ZFHX3: variants seen among roughly 807,000 people sequenced by gnomAD.
The protein encoded by ZFHX3 is zinc finger homeobox 3.
A neutral mutation model predicts 279.1 loss-of-function variants in ZFHX3; 42 were observed. The ratio of observed to expected loss-of-function variants is 0.15; its 90% CI spans 0.12 to 0.19. The LOEUF is 0.19. Ranked by LOEUF, ZFHX3 falls within the 10% of genes least tolerant of loss-of-function variation. The pLI is 1.00. For synonymous variants in ZFHX3, 2,293 were observed against 1,957.8 expected (o/e 1.17, Z -4.52); for missense variants, 4,981 against 4,754.0 (o/e 1.05, Z -1.40).
intron 4 of ZFHX3, among the ~76,000 whole-genome samples, chr16:72,846,165 G>C (rs2037474849): frequency 6.6e-6 from 1 of 152,234 alleles, no homozygotes; most frequent in African/African-American, 2.4e-5. Context: ...CTCAGTAAGT[G>C]AGCATATTCT....
At chr16:72,854,567 C>T (rs1350417805) in intron 4 of ZFHX3, among the ~76,000 whole-genome samples, 1 of 152,050 alleles carries the variant, frequency 6.6e-6, no homozygotes, top group African/African-American at 2.4e-5. Flanking sequence ...AGAAGATGGT[C>T]CTGGACAAAT....
intron 3 of ZFHX3, among the ~76,000 whole-genome samples, chr16:73,341,562 C>T (rs2016034963): frequency 6.6e-6 from 1 of 152,174 alleles, no homozygotes; most frequent in Admixed American, 6.5e-5. Flanking sequence ...AGAAATTCTA[C>T]TCCTAGATGT....
At chr16:72,914,654 A>G (rs2039396682) in intron 3 of ZFHX3, among the ~76,000 whole-genome samples, 1 of 151,992 alleles carries the variant, frequency 6.6e-6, no homozygotes, top group South Asian at 2.1e-4. Flanking sequence ...AGAAAGGAAC[A>G]AGGAATGTTT....
At chr16:72,913,576 C>T (rs918189616) in intron 3 of ZFHX3, among the ~76,000 whole-genome samples, 1 of 152,178 alleles carries the variant, frequency 6.6e-6, no homozygotes, top group African/African-American at 2.4e-5. Flanking sequence ...ACCTTGATCA[C>T]TTTGTTAAGG....
At chr16:73,249,493 A>C (rs1384329758) in intron 5 of ZFHX3, among the ~76,000 whole-genome samples, 1 of 152,206 alleles carries the variant, frequency 6.6e-6, no homozygotes, top group African/African-American at 2.4e-5. Context: ...AGCCAAGTGA[A>C]AGGGGAAACC....
At chr16:73,275,600 A>G (rs1207691598) in intron 4 of ZFHX3, among the ~76,000 whole-genome samples, 1 of 152,252 alleles carries the variant, frequency 6.6e-6, no homozygotes, top group Non-Finnish European at 1.5e-5. Flanking sequence ...GTAGCACAAT[A>G]AAGTGAGTCA....
At chr16:73,790,529 C>G (rs1959793161) in intron 1 of ZFHX3, among the ~76,000 whole-genome samples, 1 of 152,204 alleles carries the variant, frequency 6.6e-6, no homozygotes, top group Non-Finnish European at 1.5e-5. Context: ...TTTCTCCTCT[C>G]TTTCCACCTC....
intron 2 of ZFHX3, among the ~76,000 whole-genome samples, chr16:73,508,753 T>C (rs1461079497): frequency 1.3e-5 from 2 of 152,190 alleles, no homozygotes. Context: ...CAGACACGAA[T>C]GAATACTGTG....
At chr16:73,463,743 A>G (rs1016492742) in intron 2 of ZFHX3, among the ~76,000 whole-genome samples, 10 of 152,164 alleles carry the variant, frequency 6.6e-5, no homozygotes, top group African/African-American at 2.4e-4. Flanking sequence ...CAGCGTAAGA[A>G]CAAGGGCAAG....
At chr16:73,070,124 C>A (rs954967103) in intron 8 of ZFHX3, among the ~76,000 whole-genome samples, 1 of 152,082 alleles carries the variant, frequency 6.6e-6, no homozygotes, top group Non-Finnish European at 1.5e-5. Flanking sequence ...GTCATTGTAC[C>A]TTTTTTCAAC....
chr16:73,166,656 G>C (rs1967379796), intron 5 of ZFHX3, among the ~76,000 whole-genome samples: 1 of 152,140 alleles, frequency 6.6e-6, no homozygotes, highest in East Asian at 1.9e-4. Context: ...CTCTGATTTG[G>C]GGGAAACTCA....
At chr16:73,418,022 A>G (rs12162089) in intron 3 of ZFHX3, among the ~76,000 whole-genome samples, 4,577 of 150,960 alleles carry the variant, frequency 0.03, 180 homozygotes, top group South Asian at 0.11. Context: ...AGGAAAAAGA[A>G]AAGGCTGTGG....
intron 4 of ZFHX3, among the ~76,000 whole-genome samples, chr16:72,846,572 C>A (rs78805038): frequency 0.078 from 11,812 of 152,312 alleles, 1,488 homozygotes; most frequent in African/African-American, 0.26. Flanking sequence ...AGACCCACCA[C>A]TCCCTCTGCT....
At chr16:72,875,981 G>A (rs1025359691) in intron 4 of ZFHX3, among the ~76,000 whole-genome samples, 2 of 152,108 alleles carry the variant, frequency 1.3e-5, no homozygotes, top group East Asian at 3.8e-4. Context: ...GTTGAAATGA[G>A]CTTATTTTTC....
chr16:73,261,628 A>G (rs1401175440), intron 4 of ZFHX3, among the ~76,000 whole-genome samples: 1 of 148,986 alleles, frequency 6.7e-6, no homozygotes, highest in Non-Finnish European at 1.5e-5. Flanking sequence ...CTCCAATTTG[A>G]TCACTATTCC....
intron 6 of ZFHX3, among the ~76,000 whole-genome samples, chr16:73,139,093 C>T (rs1966839492): frequency 6.6e-6 from 1 of 152,176 alleles, no homozygotes; most frequent in African/African-American, 2.4e-5. Flanking sequence ...AGAAATTTAT[C>T]CTAATGAGAC....
intron 3 of ZFHX3, among the ~76,000 whole-genome samples, chr16:73,407,440 G>A (rs1375900639): frequency 6.6e-6 from 1 of 152,196 alleles, no homozygotes; most frequent in African/African-American, 2.4e-5. Context: ...AATGCTCTGA[G>A]ACCCACACAG....
At chr16:73,215,328 A>C (rs537353983) in intron 5 of ZFHX3, among the ~76,000 whole-genome samples, 1 of 152,300 alleles carries the variant, frequency 6.6e-6, no homozygotes, top group African/African-American at 2.4e-5. Context: ...CAATGGCTTC[A>C]TCCTTTCTCC....
chr16:73,813,051 T>C (rs760379494), intron 1 of ZFHX3, among the ~76,000 whole-genome samples: 2 of 152,222 alleles, frequency 1.3e-5, no homozygotes, highest in African/African-American at 2.4e-5. Context: ...GAATCTACTT[T>C]AAATAGAGCT....
Sources: gnomAD v4.1 joint callset for allele counts (sites outside exome capture counted in the v4.1 genomes callset) on GRCh38, gnomAD v4.1.1 for gene constraint, MANE v1.5 for transcripts, NCBI Gene and HGNC (gene_info 2026-07-23, HGNC 2026-07-21) for gene names.